FER1L6: variants seen among roughly 807,000 people sequenced by gnomAD.
The protein encoded by FER1L6 is fer-1 like family member 6, also known as fer-1-like protein 6.
FER1L6 carries 177 observed loss-of-function variants against 219.2 expected under a neutral mutation model. That is an observed-to-expected ratio of 0.81 (90% confidence interval 0.71 to 0.91). The LOEUF is 0.91. Ranked by LOEUF, FER1L6 falls within the 40% of genes least tolerant of loss-of-function variation. The pLI is 0.00. For missense variants in FER1L6, 2,153 were observed against 2,259.9 expected (o/e 0.95, Z 0.96); for synonymous variants, 768 against 824.3 (o/e 0.93, Z 1.17).
chr8:124,050,886 C>A (rs931336583), intron 22 of FER1L6, among the ~76,000 whole-genome samples: 1 of 152,082 alleles, frequency 6.6e-6, no homozygotes, highest in African/African-American at 2.4e-5. Context: ...GGTATTTTAA[C>A]GTATGAATTT....
intron 34 of FER1L6, among the ~76,000 whole-genome samples, chr8:124,094,548 C>T (rs1055585973): frequency 5.3e-5 from 8 of 152,192 alleles, no homozygotes; most frequent in South Asian, 2.1e-4. Context: ...TGCAGTGGCG[C>T]GATCTCAGCT....
chr8:124,120,009 A>G lies in FER1L6; in HGVS notation c.*219A>G. On this transcript the variant is annotated 3_prime_UTR_variant, in exon 41 of 41. Coordinates refer to ENST00000522917, the MANE Select transcript of FER1L6 (RefSeq NM_001039112.2). ...ATGTTTTATCCCTTGGGCAGCATGA[A>G]ATAAGGCACTTTCACCTCATGGTAA... 1 of 431,598 alleles carries G rather than the reference A, an allele frequency of 2.3e-6. No individual in the cohort carries two copies. The highest frequency in any genetic ancestry group is 4.0e-6 in the Non-Finnish European group (1 of 247,746). 26.7% of individuals were successfully genotyped at this position (431,598 alleles called of 1,614,324 possible).
chr8:124,101,641 C>T (rs1586341695), intron 38 of FER1L6, among the ~76,000 whole-genome samples: 1 of 152,196 alleles, frequency 6.6e-6, no homozygotes. Context: ...AGTAATATTA[C>T]ATACTTCAGA....
intron 13 of FER1L6, among the ~76,000 whole-genome samples, chr8:124,005,566 T>C (rs770536901): frequency 2.8e-4 from 42 of 152,266 alleles, no homozygotes; most frequent in African/African-American, 9.6e-4. Context: ...CAAGCACTGA[T>C]TGAAGACTTT....
At chr8:123,935,126 CTTAAG>C (rs1167790482) in intron 1 of FER1L6, among the ~76,000 whole-genome samples, 1 of 152,144 alleles carries the variant, frequency 6.6e-6, no homozygotes, top group African/African-American at 2.4e-5. Context: ...AAAATGGTGA[CTTAAG>C]TTTTTTTCTT....
chr8:124,040,030 C>T, intron 20 of FER1L6, 24 bp downstream of exon 20: 1 of 1,613,778 alleles, frequency 6.2e-7, no homozygotes, highest in Non-Finnish European at 8.5e-7. Flanking sequence ...CCAAGACAGC[C>T]TGCTTCTTTC....
intron 1 of FER1L6, among the ~76,000 whole-genome samples, chr8:123,950,736 C>T (rs1814723955): frequency 6.6e-6 from 1 of 152,170 alleles, no homozygotes; most frequent in Non-Finnish European, 1.5e-5. Context: ...ACAGAAACAT[C>T]CACCTACTAT....
At chr8:124,108,454 A>G (rs146060060) in intron 39 of FER1L6, among the ~76,000 whole-genome samples, 4 of 152,336 alleles carry the variant, frequency 2.6e-5, no homozygotes, top group East Asian at 1.9e-4. Context: ...ACTCAGCAAT[A>G]AACTGTTTTG....
chr8:123,879,736 C>T (rs778695471), intron 1 of FER1L6, among the ~76,000 whole-genome samples: 7 of 152,118 alleles, frequency 4.6e-5, no homozygotes, highest in Non-Finnish European at 8.8e-5. Context: ...CACACACACA[C>T]ACTCACACAC....
At chr8:124,027,739 A>G (rs1480037484) in intron 18 of FER1L6, among the ~76,000 whole-genome samples, 3 of 152,090 alleles carry the variant, frequency 2.0e-5, no homozygotes, top group African/African-American at 4.8e-5. Flanking sequence ...TTTATTTCTC[A>G]TAGAGATGTG....
At chr8:124,108,916 G>GA (rs1159888642) in intron 39 of FER1L6, among the ~76,000 whole-genome samples, 5 of 151,758 alleles carry the variant, frequency 3.3e-5, no homozygotes, top group African/African-American at 1.2e-4. Flanking sequence ...GGAGGGAGGG[G>GA]GGAAGAATAG....
At chr8:124,062,394 C>G (rs1820626321) in intron 25 of FER1L6, among the ~76,000 whole-genome samples, 1 of 152,182 alleles carries the variant, frequency 6.6e-6, no homozygotes, top group African/African-American at 2.4e-5. Flanking sequence ...ACAATCATCA[C>G]TGGTCTATTC....
intron 1 of FER1L6, among the ~76,000 whole-genome samples, chr8:123,952,744 C>T (rs927124101): frequency 4.6e-5 from 7 of 152,062 alleles, no homozygotes; most frequent in Admixed American, 6.5e-5. Flanking sequence ...TCATCTTCCT[C>T]GTGGTATGCT....
chr8:124,069,574 G>A lies in FER1L6; in HGVS notation c.3834+99G>A, dbSNP rs986741915. 6 of 797,694 alleles carry A rather than the reference G, an allele frequency of 7.5e-6. No individual in the cohort carries two copies. The African/African-American group carries it at 1.1e-4, about 14-fold the overall frequency. The allele number at this position is 797,694 out of a possible 1,614,324, so 49.4% of individuals were successfully genotyped here. ...GTCAACCCTAGTCATGCCTTTGTTT[G>A]ATATTTTGTCTTCATTGTCACCGAT... On this transcript the variant is annotated intron_variant, in intron 29 of 40. Coordinates refer to ENST00000522917, the MANE Select transcript of FER1L6 (RefSeq NM_001039112.2).
intron 1 of FER1L6, among the ~76,000 whole-genome samples, chr8:123,877,975 G>C (rs2130289667): frequency 6.6e-6 from 1 of 152,204 alleles, no homozygotes; most frequent in African/African-American, 2.4e-5. Context: ...AAATCTTTTT[G>C]GCATTGTGAA....
At chr8:124,054,942 G>A (rs868023550) in intron 22 of FER1L6, among the ~76,000 whole-genome samples, 10 of 152,288 alleles carry the variant, frequency 6.6e-5, no homozygotes, top group South Asian at 2.1e-4. Context: ...GAAGCAGAAA[G>A]GCCCGTTGGG....
intron 1 of FER1L6, among the ~76,000 whole-genome samples, chr8:123,874,592 C>A (rs1816972989): frequency 6.6e-6 from 1 of 152,212 alleles, no homozygotes; most frequent in Admixed American, 6.5e-5. Flanking sequence ...ACTCCCAATA[C>A]CAATGCATCT....
intron 12 of FER1L6, 42 bp from the exon 13 acceptor site, chr8:124,003,125 T>C: frequency 6.4e-7 from 1 of 1,564,658 alleles, no homozygotes; most frequent in Non-Finnish European, 8.8e-7. Context: ...TGATTCTGAT[T>C]ACCACCACCT....
chr8:123,887,311 G>A (rs78800184), intron 1 of FER1L6, among the ~76,000 whole-genome samples: 5 of 152,042 alleles, frequency 3.3e-5, no homozygotes, highest in Admixed American at 1.3e-4. Flanking sequence ...CCAAACCCCC[G>A]GTGTTTTGGT....
Sources: gnomAD v4.1 joint callset for allele counts (sites outside exome capture counted in the v4.1 genomes callset) on GRCh38, gnomAD v4.1.1 for gene constraint, MANE v1.5 for transcripts, NCBI Gene and HGNC (gene_info 2026-07-23, HGNC 2026-07-21) for gene names.